Variants in PTPN14 observed in about 807,000 individuals in gnomAD.
The protein encoded by PTPN14 is protein tyrosine phosphatase non-receptor type 14.
Under a neutral mutation model 126.8 loss-of-function variants are expected in PTPN14, and 53 were observed. That is an observed-to-expected ratio of 0.42 (90% CI 0.34 to 0.53). PTPN14 has a LOEUF of 0.53. Ranked by LOEUF, PTPN14 falls within the 20% of genes least tolerant of loss-of-function variation. The pLI, the probability that PTPN14 is intolerant of heterozygous loss-of-function variation, is 0.08. For missense variants in PTPN14, 1,257 were observed against 1,552.9 expected (o/e 0.81, Z 3.20); for synonymous variants, 630 against 599.3 (o/e 1.05, Z -0.75).
At chr1:214,535,563 A>G (rs1275821724) in intron 1 of PTPN14, among the ~76,000 whole-genome samples, 1 of 152,174 alleles carries the variant, frequency 6.6e-6, no homozygotes, top group Non-Finnish European at 1.5e-5. Context: ...AGATCACCTG[A>G]TGTCAGAAAT....
chr1:214,449,901 G>A (rs1390638049), intron 3 of PTPN14, among the ~76,000 whole-genome samples: 1 of 151,944 alleles, frequency 6.6e-6, no homozygotes, highest in Non-Finnish European at 1.5e-5. Flanking sequence ...GGAGGCCAAG[G>A]TAGAAGGATC....
At chr1:214,505,013 G>C (rs1005769774) in intron 1 of PTPN14, among the ~76,000 whole-genome samples, 7 of 152,158 alleles carry the variant, frequency 4.6e-5, no homozygotes, top group African/African-American at 1.7e-4. Context: ...TAAGGAAAAA[G>C]TAGATGAATT....
chr1:214,386,735 C>T (rs956447489), intron 12 of PTPN14, 109 bp downstream of exon 12: 31 of 1,167,308 alleles, frequency 2.7e-5, no homozygotes, highest in Non-Finnish European at 3.4e-5. Flanking sequence ...CAGACGATGA[C>T]AAAGTTGAAA....
At chr1:214,382,390 T>C (rs978726651) in intron 13 of PTPN14, among the ~76,000 whole-genome samples, 1 of 152,220 alleles carries the variant, frequency 6.6e-6, no homozygotes, top group Non-Finnish European at 1.5e-5. Flanking sequence ...GGCAAAATCA[T>C]AGGTCACTAA....
chr1:214,417,005 G>C (rs1465637036), intron 3 of PTPN14, among the ~76,000 whole-genome samples: 2 of 151,836 alleles, frequency 1.3e-5, no homozygotes, highest in African/African-American at 4.8e-5. Flanking sequence ...CATAGCTTTG[G>C]GTGGAGGGGA....
chr1:214,374,846 G>A lies in PTPN14; in HGVS notation c.2907+1373C>T, dbSNP rs11810855. Among the ~76,000 whole-genome samples, 1,016 of 152,294 alleles carry A rather than the reference G, an allele frequency of 6.7e-3. 13 individuals carry two copies. The highest frequency in any genetic ancestry group is 0.023 in the African/African-American group (957 of 41,554). On this transcript the variant is annotated intron_variant, in intron 15 of 18. Coordinates refer to ENST00000366956, the MANE Select transcript of PTPN14 (RefSeq NM_005401.5). ...TTCAGAGAGCAGATGGAAAATAGTG[G>A]AAGAGATCTGGCCAAAAGAAGAAGA...
Position 214,464,755 on chromosome 1 carries a change from T to A in PTPN14, c.49A>T (p.Ser17Cys). The change falls in exon 2 of 19, where the codon AGC becomes TGC. Residue 17 changes from serine to cysteine, a missense_variant. Physicochemically the swap from Ser to Cys is moderately radical, Grantham distance 112. Transcript: ENST00000366956. Reference protein sequence around the residue: ...LRRTRRYNVLSKNCFVTRIRL... With the variant: ...LRRTRRYNVLCKNCFVTRIRL... ...ATCCGTGTGACAAAGCAGTTCTTGCTCAGGACGTTGTAGCGCCGTGTCCGG... is the reference window on the plus strand; with the variant it reads ...ATCCGTGTGACAAAGCAGTTCTTGCACAGGACGTTGTAGCGCCGTGTCCGG... The A allele has an allele frequency of 6.2e-7, 1 of 1,614,284 alleles. No individual in the cohort carries two copies. Among genetic ancestry groups the A allele is most frequent in the Non-Finnish European group, 8.5e-7 (1 of 1,180,058 alleles).
chr1:214,383,966 G>A lies in PTPN14; in HGVS notation c.1889C>T (p.Ala630Val), dbSNP rs759366574. Reference sequence around the variant, plus strand: ...GTTCACAGTGCCGTGGTGCTTGGTGGCCGTGAGGGGCTCGCTCACCTCCTG... The same window carrying A: ...GTTCACAGTGCCGTGGTGCTTGGTGACCGTGAGGGGCTCGCTCACCTCCTG... ...SLQEVSEPLTATKHHGTVNKR... is the reference protein window; with the variant it reads ...SLQEVSEPLTVTKHHGTVNKR... Residue 630 changes from alanine to valine, a missense_variant, in exon 13 of 19, where the codon GCC becomes GTC. Physicochemically the swap from Ala to Val is moderately conservative, Grantham distance 64. Transcript: ENST00000366956. The surrounding 1 kb of genome is among the most constrained non-coding windows in gnomAD (Gnocchi z 4.4). 6.2e-7 allele frequency: 1 copy of A among 1,612,094 alleles called. No homozygotes were observed. The highest frequency in any genetic ancestry group is 2.2e-5 in the East Asian group (1 of 44,870).
chr1:214,503,811 C>T (rs1167022831), intron 1 of PTPN14, among the ~76,000 whole-genome samples: 1 of 152,200 alleles, frequency 6.6e-6, no homozygotes, highest in Non-Finnish European at 1.5e-5. Context: ...AGCAAACACA[C>T]CCGACATCAC....
chr1:214,532,477 G>A lies in PTPN14; in HGVS notation c.-155+18706C>T, dbSNP rs1187614828. On this transcript the variant is annotated intron_variant, in intron 1 of 18. Coordinates refer to ENST00000366956, the MANE Select transcript of PTPN14 (RefSeq NM_005401.5). ...CTGGCCTCCTACCTGGACAGACTGA[G>A]GAGCCTGGAGATCGAGAACTGGAGG... The A allele has an allele frequency of 5.9e-6, 5 of 851,200 alleles. No homozygotes were observed. In the African/African-American group the frequency reaches 8.3e-5, roughly 14 times the overall value. The allele number at this position is 851,200 out of a possible 1,614,324, so 52.7% of individuals were successfully genotyped here. A position where few individuals can be genotyped will look rare whatever the true frequency, so the allele number is the denominator to read the frequency against.
intron 3 of PTPN14, among the ~76,000 whole-genome samples, chr1:214,426,455 C>T (rs991970792): frequency 2.0e-5 from 3 of 151,880 alleles, no homozygotes; most frequent in Admixed American, 1.3e-4. Flanking sequence ...TTTCTAATTG[C>T]CTTAGTTTCT....
intron 5 of PTPN14, among the ~76,000 whole-genome samples, chr1:214,406,230 C>T (rs776277934): frequency 3.3e-5 from 5 of 152,130 alleles, no homozygotes; most frequent in Non-Finnish European, 5.9e-5. Context: ...GTAATACCGG[C>T]ACTTTGGGAG....
At chr1:214,497,694 ACC>A (rs371936681) in intron 1 of PTPN14, among the ~76,000 whole-genome samples, 78 of 152,314 alleles carry the variant, frequency 5.1e-4, no homozygotes, top group Middle Eastern at 6.8e-3. Context: ...ACCATATATT[ACC>A]GAGTGGCAAA....
chr1:214,443,989 A>G (rs775284233), intron 3 of PTPN14, among the ~76,000 whole-genome samples: 11 of 152,210 alleles, frequency 7.2e-5, no homozygotes, highest in Admixed American at 2.6e-4. Flanking sequence ...TGGGAGTGAG[A>G]GTGGGAGGGA....
intron 13 of PTPN14, 67 bp from the exon 14 acceptor site, chr1:214,378,169 TCTC>T (rs1658389018): frequency 6.7e-7 from 1 of 1,486,434 alleles, no homozygotes; most frequent in Non-Finnish European, 9.0e-7. Context: ...TGTGTTTTAA[TCTC>T]CTCAAATCTG....
chr1:214,446,072 T>C (rs1660135797), intron 3 of PTPN14, among the ~76,000 whole-genome samples: 2 of 152,174 alleles, frequency 1.3e-5, no homozygotes, highest in Admixed American at 1.3e-4. Context: ...TGAGTCATTT[T>C]AACCAACAGG....
At chr1:214,517,056 GC>G (rs1655120950) in intron 1 of PTPN14, among the ~76,000 whole-genome samples, 1 of 152,120 alleles carries the variant, frequency 6.6e-6, no homozygotes, top group African/African-American at 2.4e-5. Context: ...TCCAGGCCCA[GC>G]TATCTCCTCC....
chr1:214,474,435 G>A (rs886179946), intron 1 of PTPN14, among the ~76,000 whole-genome samples: 2 of 152,156 alleles, frequency 1.3e-5, no homozygotes, highest in Admixed American at 6.5e-5. Context: ...GAGACAAGGG[G>A]CTGTCATTAC....
chr1:214,508,858 C>T (rs184273366), intron 1 of PTPN14, among the ~76,000 whole-genome samples: 2 of 152,330 alleles, frequency 1.3e-5, no homozygotes, highest in Non-Finnish European at 2.9e-5. Context: ...TATACATCTC[C>T]ATCAGAACTC....
Sources: allele counts gnomAD v4.1 joint callset (sites outside exome capture counted in the v4.1 genomes callset), GRCh38; gene constraint gnomAD v4.1.1; non-coding constraint Gnocchi (gnomAD v3.1); transcripts MANE v1.5; gene names NCBI Gene and HGNC (gene_info 2026-07-23, HGNC 2026-07-21).